Variants in RAB31 observed in about 807,000 individuals in gnomAD.
The protein encoded by RAB31 is RAB31, member RAS oncogene family.
Under a neutral mutation model 25.6 loss-of-function variants are expected in RAB31, and 21 were observed. The observed-to-expected ratio is 0.82, with a 90% CI of 0.58 to 1.18. RAB31 has a LOEUF of 1.18. Among genes scored for constraint, RAB31 ranks in the 50% most tolerant of loss-of-function variants. The pLI is 0.00. For synonymous variants in RAB31, 87 were observed against 84.0 expected (o/e 1.04, Z -0.20); for missense variants, 196 against 250.1 (o/e 0.78, Z 1.46).
At chr18:9,828,098 A>G (rs2068659082) in intron 5 of RAB31, among the ~76,000 whole-genome samples, 1 of 152,134 alleles carries the variant, frequency 6.6e-6, no homozygotes. Context: ...GGAAGGGGCA[A>G]GATCTGGAAC....
chr18:9,767,408 A>C (rs9304045), intron 1 of RAB31, among the ~76,000 whole-genome samples: 2 of 152,186 alleles, frequency 1.3e-5, no homozygotes, highest in South Asian at 4.1e-4. Flanking sequence ...CAGTTTACTC[A>C]AACACCTCAC....
chr18:9,730,247 G>A (rs2068115894), intron 1 of RAB31, among the ~76,000 whole-genome samples: 1 of 151,018 alleles, frequency 6.6e-6, no homozygotes, highest in Non-Finnish European at 1.5e-5. Flanking sequence ...TACGCATTTA[G>A]TGTCTTAGTA....
chr18:9,853,541 A>G (rs1170082844), intron 6 of RAB31, among the ~76,000 whole-genome samples: 1 of 152,178 alleles, frequency 6.6e-6, no homozygotes, highest in Admixed American at 6.5e-5. Flanking sequence ...GAAGGGATGA[A>G]TTGGTGGGTC....
At chr18:9,827,842 G>C (rs1205127261) in intron 5 of RAB31, among the ~76,000 whole-genome samples, 2 of 152,200 alleles carry the variant, frequency 1.3e-5, no homozygotes, top group African/African-American at 4.8e-5. Flanking sequence ...CTTTTCCTTT[G>C]AGCTATTAAT....
At chr18:9,719,300 T>A (rs9965658) in intron 1 of RAB31, among the ~76,000 whole-genome samples, 1,554 of 11,840 alleles carry the variant, frequency 0.13, 33 homozygotes, top group Non-Finnish European at 0.15. Flanking sequence ...AAAAAAAAAA[T>A]ATATATATAT....
chr18:9,859,441 G>A lies in RAB31; in HGVS notation c.*116G>A. On this transcript the variant is annotated 3_prime_UTR_variant, in exon 7 of 7. Transcript: ENST00000578921. ...CACTTTGAGAAGAGTGAGCACACTG[G>A]CTTTGCATCCTGGAAGACCTGCAGG... 1 of 841,216 alleles carries A rather than the reference G, an allele frequency of 1.2e-6. No homozygotes were observed. Among genetic ancestry groups the A allele is most frequent in the Non-Finnish European group, 1.8e-6 (1 of 546,298 alleles). 52.1% of individuals were successfully genotyped at this position (841,216 alleles called of 1,614,324 possible).
intron 3 of RAB31, among the ~76,000 whole-genome samples, chr18:9,806,753 T>G (rs2068543881): frequency 6.6e-6 from 1 of 152,090 alleles, no homozygotes; most frequent in Admixed American, 6.5e-5. Context: ...TTCAAAAGAC[T>G]CCAGGGGGTA....
chr18:9,782,362 C>T (rs578122815), intron 2 of RAB31, among the ~76,000 whole-genome samples: 1 of 152,338 alleles, frequency 6.6e-6, no homozygotes, highest in East Asian at 1.9e-4. Flanking sequence ...TCTCAAAGCC[C>T]ACCCTTGTTC....
chr18:9,841,538 CAAAAAAAAA>C (rs56283904), intron 5 of RAB31, among the ~76,000 whole-genome samples: 1 of 100,862 alleles, frequency 9.9e-6, no homozygotes, highest in Non-Finnish European at 1.9e-5. Flanking sequence ...GACTCTGTCT[CAAAAAAAAA>C]AAAAAAAAAA....
chr18:9,826,240 G>T (rs945831086), intron 5 of RAB31, among the ~76,000 whole-genome samples: 3 of 152,066 alleles, frequency 2.0e-5, no homozygotes, highest in African/African-American at 7.3e-5. Context: ...GCCAGGTGTG[G>T]TGGCACACGC....
At chr18:9,754,564 G>C (rs2068251480) in intron 1 of RAB31, among the ~76,000 whole-genome samples, 1 of 152,168 alleles carries the variant, frequency 6.6e-6, no homozygotes, top group Non-Finnish European at 1.5e-5. Flanking sequence ...ACAGGCGTGA[G>C]TCACTGCACC....
chr18:9,758,408 G>A (rs577828334), intron 1 of RAB31, among the ~76,000 whole-genome samples: 12 of 151,928 alleles, frequency 7.9e-5, no homozygotes, highest in South Asian at 2.1e-4. Context: ...TGACTCACTC[G>A]GACAGCCTTC....
intron 1 of RAB31, among the ~76,000 whole-genome samples, chr18:9,757,295 G>A (rs1177431887): frequency 6.6e-6 from 1 of 152,192 alleles, no homozygotes; most frequent in Non-Finnish European, 1.5e-5. Flanking sequence ...TGCCCAGCAG[G>A]GAAGCCGGCC....
Position 9,842,419 on chromosome 18 carries a change from C to T in RAB31, c.381-3163C>T, listed in dbSNP as rs187301645. ...CTCTTCAAGAATACCAGAAGACACT[C>T]CTATCACCCAGGAAACTCTGAGGGT... is the stretch of plus-strand genomic sequence containing the variant. On this transcript the variant is annotated intron_variant, in intron 5 of 6. Transcript: ENST00000578921. Among the ~76,000 whole-genome samples the T allele has an allele frequency of 6.6e-5, 10 of 152,280 alleles. No individual in the cohort carries two copies. The East Asian group carries it at 1.9e-3, about 29-fold the overall frequency.
chr18:9,715,957 C>T (rs1252309182), intron 1 of RAB31, among the ~76,000 whole-genome samples: 2 of 152,156 alleles, frequency 1.3e-5, no homozygotes, highest in African/African-American at 2.4e-5. Flanking sequence ...GGGCATTCTC[C>T]TATGTAACCA....
At chr18:9,717,713 A>T (rs1359732862) in intron 1 of RAB31, among the ~76,000 whole-genome samples, 10 of 151,774 alleles carry the variant, frequency 6.6e-5, no homozygotes. Context: ...AGAGACACGC[A>T]CGTACACACA....
intron 5 of RAB31, among the ~76,000 whole-genome samples, chr18:9,841,027 C>T (rs2068730829): frequency 6.6e-6 from 1 of 152,270 alleles, no homozygotes; most frequent in African/African-American, 2.4e-5. Context: ...TCACCAGGCT[C>T]AAGCGATCTT....
In RAB31 at chr18:9,792,368, A is replaced by G. The variant is rs7229710; in HGVS notation, c.201+133A>G. On this transcript the variant is annotated intron_variant, in intron 3 of 6. Coordinates refer to ENST00000578921, the MANE Select transcript of RAB31 (RefSeq NM_006868.4). ...CTAGCTTGAAATGATGTAAGCAAAA[A>G]GAAAATGTACTCATTAGCTATGTGA... 3,687 of 1,427,466 alleles carry G rather than the reference A, an allele frequency of 2.6e-3. 78 individuals carry two copies. The African/African-American group carries it at 0.043, about 17-fold the overall frequency. 88.4% of individuals were successfully genotyped at this position (1,427,466 alleles called of 1,614,324 possible).
intron 1 of RAB31, among the ~76,000 whole-genome samples, chr18:9,761,171 A>G (rs1029295446): frequency 6.6e-6 from 1 of 152,190 alleles, no homozygotes; most frequent in Admixed American, 6.5e-5. Context: ...AAAGCAATGT[A>G]ATATCTTTCC....
Sources: gnomAD v4.1 joint callset for allele counts (sites outside exome capture counted in the v4.1 genomes callset) on GRCh38, gnomAD v4.1.1 for gene constraint, MANE v1.5 for transcripts, NCBI Gene and HGNC (gene_info 2026-07-23, HGNC 2026-07-21) for gene names.